Variants in ESAM observed in about 807,000 individuals in gnomAD.
ESAM encodes the protein endothelial cell-selective adhesion molecule.
In ESAM, 23 loss-of-function variants were observed where a neutral mutation model predicts 31.8. The observed-to-expected ratio is 0.72, with a 90% CI of 0.52 to 1.03. The LOEUF (loss-of-function observed/expected upper bound fraction) is 1.03. ESAM is among the 50% of genes least tolerant of loss of function. The pLI is 0.00. For missense variants in ESAM, 478 were observed against 488.9 expected (o/e 0.98, Z 0.21); for synonymous variants, 216 against 207.2 (o/e 1.04, Z -0.37).
intron 1 of ESAM, among the ~76,000 whole-genome samples, chr11:124,760,383 AGAGT>A (rs537354759): frequency 3.9e-5 from 6 of 152,366 alleles, no homozygotes; most frequent in South Asian, 2.1e-4. Flanking sequence ...CTCCGAGGCC[AGAGT>A]GAGGGAGCCG....
At chr11:124,756,439 C>G (rs972113305) in intron 3 of ESAM, 77 bp from the exon 4 acceptor site, 2 of 1,579,266 alleles carry the variant, frequency 1.3e-6, no homozygotes, top group Admixed American at 1.7e-5. Flanking sequence ...ACCCTTCTGT[C>G]GCTTCATTTG....
intron 4 of ESAM, among the ~76,000 whole-genome samples, chr11:124,755,637 G>T (rs1398228277): frequency 6.6e-6 from 1 of 151,634 alleles, no homozygotes; most frequent in African/African-American, 2.4e-5. Context: ...AGATCCAACA[G>T]TTGCTAACTT....
At chr11:124,761,458 G>A (rs1283250126) in intron 1 of ESAM, among the ~76,000 whole-genome samples, 3 of 152,152 alleles carry the variant, frequency 2.0e-5, no homozygotes, top group Non-Finnish European at 4.4e-5. Context: ...TGGGCCTTGG[G>A]GGGGTGGGGT....
In ESAM at chr11:124,756,615, C is replaced by A. The variant is rs761838033; in HGVS notation, c.377G>T (p.Cys126Phe). 2 of 1,614,172 alleles carry A rather than the reference C, an allele frequency of 1.2e-6. No individual in the cohort carries two copies. The highest frequency in any genetic ancestry group is 3.3e-5 in the Admixed American group (2 of 60,018). Residue 126 changes from cysteine (C) to phenylalanine (F), a missense_variant, in exon 3 of 7, where the codon TGC becomes TTC. Cys to Phe is a radical substitution (Grantham distance 205). Coordinates refer to ENST00000278927, the MANE Select transcript of ESAM (RefSeq NM_138961.3). ...TTGTTTGTCTTGCACATTCACGGAG[C>A]AGCTGTAGGGGCCAGAGTCTTTCTC... ...LQEKDSGPYSCSVNVQDKQGK... is the reference protein window; with the variant it reads ...LQEKDSGPYSFSVNVQDKQGK...
chr11:124,755,404 A>T (rs917417016), intron 4 of ESAM, among the ~76,000 whole-genome samples: 5 of 151,588 alleles, frequency 3.3e-5, no homozygotes, highest in African/African-American at 9.7e-5. Context: ...ATAATAATAA[A>T]ATAAAAATAA....
rs759480941 is a variant in ESAM, at chr11:124,756,610, C to T, written c.382G>A (p.Val128Met). The T allele has an allele frequency of 2.2e-5, 35 of 1,614,016 alleles. No homozygotes were observed. The highest frequency in any genetic ancestry group is 2.7e-5 in the African/African-American group (2 of 74,896). The change falls in exon 3 of 7, where the codon GTG becomes ATG. Residue 128 changes from valine to methionine, a missense_variant. Physicochemically the swap from Val to Met is conservative, Grantham distance 21. Transcript: ENST00000278927. ...EKDSGPYSCS[V>M]NVQDKQGKSR... ...TTGCCTTGTTTGTCTTGCACATTCA[C>T]GGAGCAGCTGTAGGGGCCAGAGTCT...
In ESAM at chr11:124,753,941, C is replaced by T. The variant is rs759294805; in HGVS notation, c.878G>A (p.Arg293Gln). ...NDIKEDAIAPRTLPWPKSSDT... is the reference protein window; with the variant it reads ...NDIKEDAIAPQTLPWPKSSDT... ...TGAGCTCTTGGGCCAGGGCAGGGTC[C>T]GGGGAGCAATGGCATCCTCCCTAGT... is the stretch of plus-strand genomic sequence containing the variant. The change falls in exon 7 of 7, where the codon CGG (arginine) becomes CAG (glutamine). Residue 293 changes from arginine (R) to glutamine (Q), a missense_variant. Arg to Gln is a conservative substitution (Grantham distance 43, BLOSUM62 1). Coordinates refer to ENST00000278927, the MANE Select transcript of ESAM (RefSeq NM_138961.3). 61 of 1,613,470 alleles carry T rather than the reference C, an allele frequency of 3.8e-5. No homozygotes were observed. The highest frequency in any genetic ancestry group is 2.7e-4 in the East Asian group (12 of 44,864).
Position 124,754,629 on chromosome 11 carries a change from C to T in ESAM, c.730+12G>A. 2 of 1,608,698 alleles carry T rather than the reference C, an allele frequency of 1.2e-6. No homozygotes were observed. Among genetic ancestry groups the T allele is most frequent in the Non-Finnish European group, 8.5e-7 (1 of 1,177,642 alleles). On this transcript the variant is annotated intron_variant, in intron 5 of 6. Coordinates refer to ENST00000278927, the MANE Select transcript of ESAM (RefSeq NM_138961.3). This position sits in a 1 kb window ranked among gnomAD's most constrained non-coding sequence, Gnocchi z 4.5. ...TGACCACTCTTCTTAACCACACTTA[C>T]CCCTCACTGACCTGTGCTCACTTCC...
rs1944196101 is a variant in ESAM at position 124,759,210 on chromosome 11, C to T, written c.71-683G>A. On this transcript the variant is annotated intron_variant, in intron 1 of 6. Transcript: ENST00000278927. The surrounding 1 kb of genome is among the most constrained non-coding windows in gnomAD (Gnocchi z 6.8). ...GGAGCCCTTCTGGGGTTCGGGCGAT[C>T]TGGGCAGAGAACTCTCGGGTGGCAA... 1 of 152,238 alleles carries T rather than the reference C, an allele frequency of 6.6e-6. No homozygotes were observed. Among genetic ancestry groups the T allele is most frequent in the Admixed American group, 6.5e-5 (1 of 15,288 alleles). The allele number at this position is 152,238 out of a possible 1,614,324, so 9.4% of individuals were successfully genotyped here. A position where few individuals can be genotyped will look rare whatever the true frequency, so the allele number is the denominator to read the frequency against.
chr11:124,756,551 G>A lies in ESAM; in HGVS notation c.441C>T (p.Leu147=). 1.2e-6 allele frequency: 2 copies of A among 1,614,068 alleles called. No individual in the cohort carries two copies. Among genetic ancestry groups the A allele is most frequent in the South Asian group, 1.1e-5 (1 of 91,074 alleles). The change falls in exon 3 of 7, where the codon CTC becomes CTT. Residue 147 remains leucine, a synonymous_variant. Transcript: ENST00000278927. ...SRGHSIKTLE[L]NVLVPPAPPS... Reference sequence around the variant, plus strand: ...CTGCTTCTCACTCACCCAGTACATTGAGTTCTAAGGTTTTGATGCTGTGGC... The same window carrying A: ...CTGCTTCTCACTCACCCAGTACATTAAGTTCTAAGGTTTTGATGCTGTGGC...
Position 124,754,820 on chromosome 11 carries a change from A to AAG in ESAM, c.608-58_608-57insCT. The AAG allele has an allele frequency of 6.5e-7, 1 of 1,536,790 alleles. No homozygotes were observed. Among genetic ancestry groups the AAG allele is most frequent in the Non-Finnish European group, 8.7e-7 (1 of 1,146,392 alleles). On this transcript the variant is annotated intron_variant, in intron 4 of 6. Coordinates refer to ENST00000278927, the MANE Select transcript of ESAM (RefSeq NM_138961.3). This position sits in a 1 kb window ranked among gnomAD's most constrained non-coding sequence, Gnocchi z 4.5. ...ACCCTCTTTCCCATTAAAAAAAAAA[A>AAG]AAAATCTTGTCCCTCCTCTGGAATG...
At position 124,756,728 on chromosome 11, in the gene ESAM, G is replaced by T. The variant is rs1218554997; in HGVS notation, c.264C>A (p.Ile88=). 2 of 1,614,118 alleles carry T rather than the reference G, an allele frequency of 1.2e-6. No individual in the cohort carries two copies. The highest frequency in any genetic ancestry group is 2.2e-5 in the South Asian group (2 of 91,072). The stretch of plus-strand genomic sequence containing the variant: ...CAGGTTTGCTTGTTGTGACCCCATT[G>T]ATGTAGGACAACACCTGGTGTGGGG... ...KEKEDQVLSY[I]NGVTTSKPGV... The change falls in exon 3 of 7, where the codon ATC becomes ATA. Residue 88 remains isoleucine, a synonymous_variant. Transcript: ENST00000278927.
intron 1 of ESAM, among the ~76,000 whole-genome samples, chr11:124,758,743 C>A (rs928127049): frequency 3.9e-5 from 6 of 152,202 alleles, no homozygotes; most frequent in Admixed American, 1.3e-4. Flanking sequence ...CCACCGCCAG[C>A]CTCTGCAGTT....
Position 124,756,194 on chromosome 11 carries a change from G to C in ESAM, c.607+13C>G, listed in dbSNP as rs61020077. On this transcript the variant is annotated intron_variant, in intron 4 of 6. Coordinates refer to ENST00000278927, the MANE Select transcript of ESAM (RefSeq NM_138961.3). ...CCAGCCACAGTGTCCACTGTTTCCA[G>C]TAGTGTCCTCACCTAATGCTGGTGC... The C allele has an allele frequency of 5.6e-6, 9 of 1,612,872 alleles. No homozygotes were observed. Among genetic ancestry groups the C allele is most frequent in the Non-Finnish European group, 7.6e-6 (9 of 1,179,928 alleles).
At position 124,754,253 on chromosome 11, in the gene ESAM, C is replaced by G. The variant is rs548139791; in HGVS notation, c.818G>C (p.Arg273Pro). 9 of 1,613,876 alleles carry G rather than the reference C, an allele frequency of 5.6e-6. No individual in the cohort carries two copies. The East Asian group carries it at 6.7e-5, about 12-fold the overall frequency. The stretch of plus-strand genomic sequence containing the variant: ...TGGCTCCTCCAGGGCCTTGCCCCGG[C>G]GGTGGTACAAGAGGACCAGCCCAGC... ...LLAGLVLLYHRRGKALEEPAN... is the reference protein window; with the variant it reads ...LLAGLVLLYHPRGKALEEPAN... Residue 273 changes from arginine (R) to proline (P), a missense_variant, in exon 6 of 7, where the codon CGC (arginine) becomes CCC (proline). Arg to Pro is a moderately radical substitution (Grantham distance 103, BLOSUM62 -2). Transcript: ENST00000278927. The surrounding 1 kb of genome is among the most constrained non-coding windows in gnomAD (Gnocchi z 4.5).
Position 124,756,307 on chromosome 11 carries a change from G to A in ESAM, c.507C>T (p.Asn169=), listed in dbSNP as rs149527591. ...TTGGAGACTGGCAGCTCAGGGTCAC[G>A]TTTGCCCCCACATGGGGCACACCCT... ...RLQGVPHVGA[N]VTLSCQSPRS... The change falls in exon 4 of 7, where the codon AAC becomes AAT. Residue 169 remains asparagine, a synonymous_variant. Coordinates refer to ENST00000278927, the MANE Select transcript of ESAM (RefSeq NM_138961.3). The A allele has an allele frequency of 7.0e-5, 113 of 1,613,056 alleles. No homozygotes were observed. The highest frequency in any genetic ancestry group is 6.0e-4 in the East Asian group (27 of 44,862).
rs1233859538 is a variant in ESAM at position 124,759,811 on chromosome 11, AG to A, written c.71-1285del. Among the ~76,000 whole-genome samples, 1 of 152,096 alleles carries A rather than the reference AG, an allele frequency of 6.6e-6. No individual in the cohort carries two copies. The highest frequency in any genetic ancestry group is 1.5e-5 in the Non-Finnish European group (1 of 67,988). On this transcript the variant is annotated intron_variant, in intron 1 of 6. Transcript: ENST00000278927. This position sits in a 1 kb window ranked among gnomAD's most constrained non-coding sequence, Gnocchi z 6.8. ...CCAGTGATAAGGCAGAAGACAATGA[AG>A]GGGGGGCCACTAGACCGGAGGCTCT... is the stretch of plus-strand genomic sequence containing the variant.
intron 4 of ESAM, among the ~76,000 whole-genome samples, chr11:124,755,476 C>G (rs1944141925): frequency 6.6e-6 from 1 of 152,056 alleles, no homozygotes; most frequent in Non-Finnish European, 1.5e-5. Context: ...AAAGACTGCT[C>G]TAGATTCTTG....
At position 124,756,323 on chromosome 11, in the gene ESAM, G is replaced by A. The variant is rs754064863; in HGVS notation, c.491C>T (p.Pro164Leu). ...CAGGGTCACGTTTGCCCCCACATGG[G>A]GCACACCCTGGAGACGGCAGGATGG... is the stretch of plus-strand genomic sequence containing the variant. ...APPSCRLQGV[P>L]HVGANVTLSC... The change falls in exon 4 of 7, where the codon CCC (proline) becomes CTC (leucine). Residue 164 changes from proline to leucine, a missense_variant. Pro to Leu is a moderately conservative substitution (Grantham distance 98). Transcript: ENST00000278927. 1 of 1,611,388 alleles carries A rather than the reference G, an allele frequency of 6.2e-7. No individual in the cohort carries two copies.
Sources: allele counts gnomAD v4.1 joint callset (sites outside exome capture counted in the v4.1 genomes callset), GRCh38; gene constraint gnomAD v4.1.1; non-coding constraint Gnocchi (gnomAD v3.1); transcripts MANE v1.5; gene names NCBI Gene and HGNC (gene_info 2026-07-23, HGNC 2026-07-21).